CYP4Z1: variants seen among roughly 807,000 people sequenced by gnomAD.
CYP4Z1 encodes the protein cytochrome P450 family 4 subfamily Z member 1, also known as cytochrome P450 4Z1.
Under a neutral mutation model 54.2 loss-of-function variants are expected in CYP4Z1, and 41 were observed. The observed-to-expected ratio is 0.76, with a 90% CI of 0.59 to 0.98. The LOEUF is 0.98. Among genes scored for constraint, CYP4Z1 ranks in the 50% least tolerant of loss-of-function variants. CYP4Z1 has a pLI of 0.00. For synonymous variants in CYP4Z1, 163 were observed against 206.2 expected, an observed-to-expected ratio of 0.79 and a Z score of 1.79; for missense variants, 513 against 599.0, an observed-to-expected ratio of 0.86 and a Z score of 1.50.
At chr1:47,103,560 G>C (rs537701063) in intron 8 of CYP4Z1, among the ~76,000 whole-genome samples, 10 of 126,198 alleles carry the variant, frequency 7.9e-5, no homozygotes, top group Admixed American at 1.5e-4. Context: ...GCATTCTCTT[G>C]TATCTCACCT....
At chr1:47,099,320 C>T in intron 8 of CYP4Z1, 36 bp downstream of exon 8, 1 of 1,522,790 alleles carries the variant, frequency 6.6e-7, no homozygotes, top group Non-Finnish European at 8.8e-7. Flanking sequence ...CTGAATTTTC[C>T]CCTTATACAT....
At chr1:47,071,113 A>G (rs1644485602) in intron 2 of CYP4Z1, among the ~76,000 whole-genome samples, 1 of 152,312 alleles carries the variant, frequency 6.6e-6, no homozygotes, top group Non-Finnish European at 1.5e-5. Context: ...TTTAAAAAAA[A>G]ATAGACCAGA....
the CYP4Z1 span, among the ~76,000 whole-genome samples, chr1:47,060,461 AAAG>A: frequency 0.42 from 63,173 of 151,594 alleles, 14,424 homozygotes; most frequent in East Asian, 0.96. Flanking sequence ...CAAAAAAGAT[AAAG>A]AAGGGCATTA....
chr1:47,115,352 C>T (rs558501607), intron 9 of CYP4Z1, 177 bp from the exon 10 acceptor site: 92 of 523,356 alleles, frequency 1.8e-4, no homozygotes, highest in Admixed American at 6.4e-4. Context: ...TGTTAAATGA[C>T]GAGTTAATGG....
chr1:47,059,960 A>C, the CYP4Z1 span, among the ~76,000 whole-genome samples: 1 of 152,154 alleles, frequency 6.6e-6, no homozygotes, highest in Admixed American at 6.6e-5. Context: ...ATAAATATGA[A>C]ATCACTCTTT....
rs1471899021 is a variant in CYP4Z1, at chr1:47,117,967, C to T, written c.*33C>T. Reference sequence around the variant, plus strand: ...TCCTTTCGTATAAGAATTAATGAGACAATTTTCCTACCAAAGGAAGAACAA... The same window carrying T: ...TCCTTTCGTATAAGAATTAATGAGATAATTTTCCTACCAAAGGAAGAACAA... On this transcript the variant is annotated 3_prime_UTR_variant, in exon 12 of 12. Transcript: ENST00000334194. The T allele has an allele frequency of 1.9e-6, 3 of 1,595,654 alleles. No individual in the cohort carries two copies. The highest frequency in any genetic ancestry group is 1.7e-6 in the Non-Finnish European group (2 of 1,166,826).
chr1:47,076,775 G>A (rs1162949404), intron 2 of CYP4Z1, among the ~76,000 whole-genome samples: 2 of 146,492 alleles, frequency 1.4e-5, no homozygotes, highest in African/African-American at 2.5e-5. Context: ...AACCCAGGAG[G>A]CGGACCTTGC....
chr1:47,088,331 T>G (rs540804605), intron 6 of CYP4Z1, among the ~76,000 whole-genome samples: 1 of 152,212 alleles, frequency 6.6e-6, no homozygotes, highest in Non-Finnish European at 1.5e-5. Flanking sequence ...GTCCTGTACT[T>G]TTTTTGGTTG....
intron 9 of CYP4Z1, among the ~76,000 whole-genome samples, chr1:47,114,863 T>C (rs1484120608): frequency 6.6e-6 from 1 of 152,202 alleles, no homozygotes; most frequent in African/African-American, 2.4e-5. Context: ...GTAAACTAGT[T>C]CAACCATTGT....
chr1:47,113,087 A>T (rs1232434736), intron 9 of CYP4Z1, among the ~76,000 whole-genome samples: 1 of 151,880 alleles, frequency 6.6e-6, no homozygotes, highest in Non-Finnish European at 1.5e-5. Context: ...CCTTAGCATG[A>T]CCTCTTTCCC....
intron 7 of CYP4Z1, chr1:47,096,837 C>A (rs1298460431): frequency 6.6e-6 from 1 of 152,130 alleles, no homozygotes; most frequent in East Asian, 1.9e-4. Flanking sequence ...ACCATATTGG[C>A]CAGGCTGGTC....
At chr1:47,092,281 C>T (rs1271041565) in intron 6 of CYP4Z1, among the ~76,000 whole-genome samples, 1 of 152,024 alleles carries the variant, frequency 6.6e-6, no homozygotes, top group African/African-American at 2.4e-5. Flanking sequence ...CTCTCTCCTT[C>T]TCCTGAGCTT....
intron 9 of CYP4Z1, among the ~76,000 whole-genome samples, chr1:47,111,874 C>T (rs1297053799): frequency 2.6e-5 from 4 of 152,084 alleles, no homozygotes; most frequent in South Asian, 2.1e-4. Flanking sequence ...CCATTAAAAA[C>T]TCTTGGGCTA....
chr1:47,088,036 G>C (rs951037804), intron 6 of CYP4Z1, among the ~76,000 whole-genome samples: 4 of 152,112 alleles, frequency 2.6e-5, no homozygotes, highest in Non-Finnish European at 5.9e-5. Context: ...TGCATCCCAG[G>C]GATGAAGCCC....
chr1:47,114,614 C>A (rs1472736290), intron 9 of CYP4Z1, among the ~76,000 whole-genome samples: 1 of 132,520 alleles, frequency 7.5e-6, no homozygotes, highest in Non-Finnish European at 1.6e-5. Flanking sequence ...AAACAAACAA[C>A]CCCATCAACA....
chr1:47,092,624 C>T (rs925298021), intron 6 of CYP4Z1, among the ~76,000 whole-genome samples: 1 of 152,042 alleles, frequency 6.6e-6, no homozygotes, highest in Non-Finnish European at 1.5e-5. Flanking sequence ...AGAATTGCCT[C>T]TCTCCCAATT....
chr1:47,113,593 G>A (rs1486033356), intron 9 of CYP4Z1, among the ~76,000 whole-genome samples: 2 of 152,184 alleles, frequency 1.3e-5, no homozygotes, highest in African/African-American at 4.8e-5. Context: ...ATGAATAGAT[G>A]TGAAAGAATC....
chr1:47,082,333 G>A lies in CYP4Z1; in HGVS notation c.365-1G>A, dbSNP rs769199451. The A allele has an allele frequency of 3.8e-6, 6 of 1,594,828 alleles. No individual in the cohort carries two copies. Among genetic ancestry groups the A allele is most frequent in the Non-Finnish European group, 4.3e-6 (5 of 1,172,240 alleles). On this transcript the variant is annotated splice_acceptor_variant, in intron 3 of 11. Transcript: ENST00000334194. LOFTEE classifies it high-confidence loss of function. The stretch of plus-strand genomic sequence containing the variant: ...AACAGTTGCCCCTCTCATTTCATAA[G>A]GTCGAGGACTTGTGACCCTGGATGG...
the CYP4Z1 span, among the ~76,000 whole-genome samples, chr1:47,056,138 T>C: frequency 6.6e-6 from 1 of 152,198 alleles, no homozygotes; most frequent in Non-Finnish European, 1.5e-5. Context: ...CTCGTTGGTT[T>C]CAAAAAACAT....
Sources: allele counts gnomAD v4.1 joint callset (sites outside exome capture counted in the v4.1 genomes callset), GRCh38; gene constraint gnomAD v4.1.1; transcripts MANE v1.5; gene names NCBI Gene and HGNC (gene_info 2026-07-23, HGNC 2026-07-21).